The following RAB43 variants were observed in gnomAD, a reference collection of about 807,000 sequenced individuals.
The protein encoded by RAB43 is ras-related protein Rab-43.
A neutral mutation model predicts 18.8 loss-of-function variants in RAB43; 6 were observed. That is an observed-to-expected ratio of 0.32 (90% CI 0.17 to 0.63). The LOEUF (loss-of-function observed/expected upper bound fraction) is 0.63, where lower values mean the gene tolerates loss of function less well. Among genes scored for constraint, RAB43 ranks in the 30% least tolerant of loss-of-function variants. The probability of loss-of-function intolerance (pLI) is 0.79; values close to 1 mark genes in which losing one functional copy is unlikely to be tolerated. For missense variants in RAB43, 195 were observed against 289.1 expected, an observed-to-expected ratio of 0.67 and a Z score of 2.36; for synonymous variants, 103 against 124.1, an observed-to-expected ratio of 0.83 and a Z score of 1.13.
chr3:129,087,675 TAA>T lies in RAB43; in HGVS notation c.*3419_*3420del. The T allele has an allele frequency of 6.6e-6, 1 of 151,900 alleles. No homozygotes were observed. Among genetic ancestry groups the T allele is most frequent in the East Asian group, 1.9e-4 (1 of 5,174 alleles). The allele number at this position is 151,900 out of a possible 1,614,324, so 9.4% of individuals were successfully genotyped here. A position where few individuals can be genotyped will look rare whatever the true frequency, so the allele number is the denominator to read the frequency against. On this transcript the variant is annotated 3_prime_UTR_variant, in exon 3 of 3. Coordinates refer to ENST00000315150, the MANE Select transcript of RAB43 (RefSeq NM_198490.3). ...CATGTTTTAAAAAATAGATTTGGTA[TAA>T]AGATTTATATATTCATAAATAGGTG... is the stretch of plus-strand genomic sequence containing the variant.
intron 1 of RAB43, among the ~76,000 whole-genome samples, chr3:129,101,353 T>A (rs1934401954): frequency 6.6e-6 from 1 of 150,928 alleles, no homozygotes; most frequent in African/African-American, 2.4e-5. Flanking sequence ...TCATTCAACA[T>A]GCGCTGAGCT....
intron 1 of RAB43, among the ~76,000 whole-genome samples, chr3:129,117,877 C>A (rs764844575): frequency 1.3e-5 from 2 of 152,202 alleles, no homozygotes; most frequent in African/African-American, 4.8e-5. Context: ...AATTAACAGG[C>A]ACATATTGGA....
At position 129,107,792 on chromosome 3, in the gene RAB43, C is replaced by T. The variant is rs1934880199; in HGVS notation, c.205-12623G>A. Among the ~76,000 whole-genome samples, 1 of 152,150 alleles carries T rather than the reference C, an allele frequency of 6.6e-6. No individual in the cohort carries two copies. Among genetic ancestry groups the T allele is most frequent in the African/African-American group, 2.4e-5 (1 of 41,426 alleles). On this transcript the variant is annotated intron_variant, in intron 1 of 2. Coordinates refer to ENST00000315150, the MANE Select transcript of RAB43 (RefSeq NM_198490.3). The surrounding 1 kb of genome is among the most constrained non-coding windows in gnomAD (Gnocchi z 4.2). ...TCCTATGGCCCACACTGAACAACCC[C>T]AACCCTCAAACCATCCCTCCAGTTC...
intron 1 of RAB43, among the ~76,000 whole-genome samples, chr3:129,109,138 C>T (rs1481383775): frequency 6.6e-6 from 1 of 151,746 alleles, no homozygotes; most frequent in Non-Finnish European, 1.5e-5. Flanking sequence ...TGGCTGGGTG[C>T]GGTGGCTCAC....
intron 1 of RAB43, among the ~76,000 whole-genome samples, chr3:129,120,575 T>G (rs1378648701): frequency 1.3e-5 from 2 of 151,960 alleles, no homozygotes; most frequent in African/African-American, 4.8e-5. Flanking sequence ...CAGGACATTG[T>G]GGCAACCACA....
intron 1 of RAB43, among the ~76,000 whole-genome samples, chr3:129,115,016 C>T (rs1457244663): frequency 6.6e-6 from 1 of 152,054 alleles, no homozygotes; most frequent in Non-Finnish European, 1.5e-5. Context: ...TGGTTACACA[C>T]CAACATCAGT....
chr3:129,110,442 G>T (rs746607709), intron 1 of RAB43, among the ~76,000 whole-genome samples: 1 of 152,176 alleles, frequency 6.6e-6, no homozygotes, highest in Non-Finnish European at 1.5e-5. Flanking sequence ...AGTGCCTGAG[G>T]GTGGAAGGAA....
At chr3:129,117,569 A>G (rs369700245) in intron 1 of RAB43, among the ~76,000 whole-genome samples, 1 of 152,230 alleles carries the variant, frequency 6.6e-6, no homozygotes, top group South Asian at 2.1e-4. Context: ...CCGTTTGGGT[A>G]TATCTACACG....
chr3:129,120,602 C>T (rs952759019), intron 1 of RAB43, among the ~76,000 whole-genome samples: 2 of 152,210 alleles, frequency 1.3e-5, no homozygotes, highest in Admixed American at 1.3e-4. Flanking sequence ...TGTTTTTATT[C>T]GGAGCCATTG....
intron 1 of RAB43, among the ~76,000 whole-genome samples, chr3:129,104,164 G>C (rs185846467): frequency 5.1e-4 from 78 of 152,324 alleles, no homozygotes; most frequent in African/African-American, 1.8e-3. Flanking sequence ...AGCTGAGCGA[G>C]CTGTACATTG....
At chr3:129,099,899 T>G (rs894795994) in intron 1 of RAB43, among the ~76,000 whole-genome samples, 4 of 152,074 alleles carry the variant, frequency 2.6e-5, no homozygotes, top group Non-Finnish European at 4.4e-5. Context: ...TACCAAACTG[T>G]CTCATACTCA....
At chr3:129,111,822 T>C (rs1935191080) in intron 1 of RAB43, among the ~76,000 whole-genome samples, 1 of 152,156 alleles carries the variant, frequency 6.6e-6, no homozygotes, top group African/African-American at 2.4e-5. Context: ...TTATTGGGAA[T>C]ATTGAAAAAA....
chr3:129,112,434 GAAT>G (rs1179518387), intron 1 of RAB43, among the ~76,000 whole-genome samples: 18 of 152,026 alleles, frequency 1.2e-4, no homozygotes, highest in Non-Finnish European at 2.4e-4. Context: ...TTTTTTCAAA[GAAT>G]AACAGAGCCT....
intron 1 of RAB43, among the ~76,000 whole-genome samples, chr3:129,106,027 G>A (rs947806243): frequency 2.0e-5 from 3 of 152,176 alleles, no homozygotes; most frequent in Admixed American, 1.3e-4. Context: ...AGTCAGGCCC[G>A]TGCAGCAGGG....
intron 1 of RAB43, among the ~76,000 whole-genome samples, chr3:129,110,392 G>A (rs1935081077): frequency 6.6e-6 from 1 of 152,170 alleles, no homozygotes; most frequent in African/African-American, 2.4e-5. Context: ...TGTGCCAAGT[G>A]CTTTGATACC....
At chr3:129,115,314 G>A (rs907687938) in intron 1 of RAB43, among the ~76,000 whole-genome samples, 3 of 147,076 alleles carry the variant, frequency 2.0e-5, no homozygotes, top group East Asian at 2.1e-4. Flanking sequence ...ATGGTGAAAC[G>A]TTGTCTCTAC....
At chr3:129,109,061 C>T (rs985092503) in intron 1 of RAB43, among the ~76,000 whole-genome samples, 3 of 147,062 alleles carry the variant, frequency 2.0e-5, no homozygotes, top group Admixed American at 6.7e-5. Flanking sequence ...AAGGTGACTC[C>T]TACAAAAAAA....
At chr3:129,121,226 C>A in intron 1 of RAB43, 60 bp downstream of exon 1, 1 of 1,441,978 alleles carries the variant, frequency 6.9e-7, no homozygotes, top group Non-Finnish European at 9.4e-7. Context: ...CCAGGGGCTC[C>A]GCTGCCCCCG....
intron 1 of RAB43, among the ~76,000 whole-genome samples, chr3:129,106,668 G>A (rs1028486666): frequency 2.0e-5 from 3 of 152,204 alleles, no homozygotes; most frequent in African/African-American, 7.2e-5. Context: ...GCTGGCGGCA[G>A]GCAGAGCAGA....
Sources: gnomAD v4.1 joint callset for allele counts (sites outside exome capture counted in the v4.1 genomes callset) on GRCh38, gnomAD v4.1.1 for gene constraint, Gnocchi (gnomAD v3.1) non-coding constraint, MANE v1.5 for transcripts, NCBI Gene and HGNC (gene_info 2026-07-23, HGNC 2026-07-21) for gene names.